ATAD1: variants seen among roughly 807,000 people sequenced by gnomAD.
ATAD1 encodes the protein ATPase family AAA domain containing 1, also known as outer mitochondrial transmembrane helix translocase.
In ATAD1, 18 loss-of-function variants were observed where a neutral mutation model predicts 42.7. The ratio of observed to expected loss-of-function variants is 0.42; its 90% confidence interval spans 0.29 to 0.63. ATAD1 has a LOEUF of 0.63. Ranked by LOEUF, ATAD1 falls within the 20% of genes least tolerant of loss-of-function variation. The pLI is 0.19. For missense variants in ATAD1, 294 were observed against 440.4 expected (o/e 0.67, Z 2.98); for synonymous variants, 132 against 143.1 (o/e 0.92, Z 0.55).
At chr10:87,796,899 C>T (rs1244497658) in intron 2 of ATAD1, among the ~76,000 whole-genome samples, 1 of 152,184 alleles carries the variant, frequency 6.6e-6, no homozygotes, top group Non-Finnish European at 1.5e-5. Context: ...AATACAACTC[C>T]CTTTTTTTGG....
At position 87,754,760 on chromosome 10, in the gene ATAD1, C is replaced by T. The variant is rs747078035; in HGVS notation, c.1013G>A (p.Arg338Gln). 2.2e-5 allele frequency: 35 copies of T among 1,613,454 alleles called. No individual in the cohort carries two copies. The East Asian group carries it at 2.7e-4, about 12-fold the overall frequency. ...TGATTTCTTCATCTTTTCAATTGCC[C>T]GATGCAGGTCCTGCTGTTGAACAGG... The part of the protein sequence containing the change: ...IRPVQQQDLH[R>Q]AIEKMKKSKD... Residue 338 changes from arginine (R) to glutamine (Q), a missense_variant, in exon 10 of 10, where the codon CGG becomes CAG. Around this residue, in one of 3 missense-constraint regions of ATAD1, gnomAD observed 142 missense variants for 174.6 expected, o/e 0.81. Coordinates refer to ENST00000680024, the MANE Select transcript of ATAD1 (RefSeq NM_001321967.2).
chr10:87,762,906 T>TA (rs111774830), intron 8 of ATAD1, among the ~76,000 whole-genome samples: 57 of 106,032 alleles, frequency 5.4e-4, no homozygotes, highest in Admixed American at 1.7e-3. Flanking sequence ...CCGTCTCTAC[T>TA]AAAAAAAAAA....
At chr10:87,766,271 T>G (rs571473312) in intron 8 of ATAD1, among the ~76,000 whole-genome samples, 9 of 152,312 alleles carry the variant, frequency 5.9e-5, no homozygotes, top group Admixed American at 3.9e-4. Flanking sequence ...AATATTCCTG[T>G]ATAAGTATGA....
intron 1 of ATAD1, among the ~76,000 whole-genome samples, chr10:87,815,660 G>C (rs1420221772): frequency 6.6e-6 from 1 of 151,816 alleles, no homozygotes; most frequent in Non-Finnish European, 1.5e-5. Context: ...CTAAATTAAA[G>C]AGCCTCTTCA....
At chr10:87,833,370 T>A (rs962778797) in intron 1 of ATAD1, among the ~76,000 whole-genome samples, 8 of 152,232 alleles carry the variant, frequency 5.3e-5, no homozygotes, top group Non-Finnish European at 8.8e-5. Flanking sequence ...AGGTTTTTTT[T>A]AAATCACTTA....
At chr10:87,764,819 A>G (rs896049768) in intron 8 of ATAD1, among the ~76,000 whole-genome samples, 16 of 152,178 alleles carry the variant, frequency 1.1e-4, no homozygotes, top group Non-Finnish European at 1.9e-4. Context: ...AATAATTTTA[A>G]AAGGTTGGGT....
At chr10:87,816,531 CTTCA>C (rs1857421320) in intron 1 of ATAD1, among the ~76,000 whole-genome samples, 2 of 152,254 alleles carry the variant, frequency 1.3e-5, no homozygotes, top group East Asian at 3.9e-4. Flanking sequence ...GATATCACCA[CTTCA>C]TTCAAAGAAC....
chr10:87,816,508 CAAT>C, intron 1 of ATAD1, among the ~76,000 whole-genome samples: 1 of 152,008 alleles, frequency 6.6e-6, no homozygotes, highest in Non-Finnish European at 1.5e-5. Flanking sequence ...ATTGGATATA[CAAT>C]AATTGTTAAG....
intron 6 of ATAD1, 32 bp from the exon 7 acceptor site, chr10:87,771,073 A>G: frequency 6.5e-7 from 1 of 1,538,600 alleles, no homozygotes; most frequent in Non-Finnish European, 9.0e-7. Flanking sequence ...AAGGTATTAA[A>G]TCTACCAATT....
At chr10:87,775,807 T>C (rs998776764) in intron 6 of ATAD1, among the ~76,000 whole-genome samples, 3 of 152,146 alleles carry the variant, frequency 2.0e-5, no homozygotes, top group African/African-American at 7.2e-5. Flanking sequence ...CTGTCTCGTA[T>C]AAAATTGGGA....
In ATAD1 at chr10:87,807,961, T is replaced by A. The variant is rs1422209397; in HGVS notation, c.162+6477A>T. Among the ~76,000 whole-genome samples the A allele has an allele frequency of 1.3e-5, 2 of 152,212 alleles. 1 individual carries two copies. Among genetic ancestry groups the A allele is most frequent in the Non-Finnish European group, 2.9e-5 (2 of 68,018 alleles). On this transcript the variant is annotated intron_variant, in intron 2 of 9. Transcript: ENST00000680024. ...ACTGATGTTGAATTTAACTAAACTT[T>A]CAATAGTTTTATAATTTTCTCTATG...
intron 2 of ATAD1, among the ~76,000 whole-genome samples, chr10:87,802,591 C>A (rs1029836017): frequency 5.3e-5 from 8 of 151,132 alleles, no homozygotes; most frequent in African/African-American, 1.7e-4. Flanking sequence ...AGATCACCCC[C>A]GAGATCCCGC....
intron 8 of ATAD1, among the ~76,000 whole-genome samples, chr10:87,762,468 CT>C (rs796462922): frequency 6.6e-4 from 96 of 144,642 alleles, no homozygotes; most frequent in Admixed American, 7.6e-4. Context: ...TACAACTACA[CT>C]TTTTTTTTTT....
At chr10:87,827,969 G>A (rs1413954950) in intron 1 of ATAD1, among the ~76,000 whole-genome samples, 1 of 152,020 alleles carries the variant, frequency 6.6e-6, no homozygotes, top group East Asian at 1.9e-4. Context: ...TCGTTTATTG[G>A]TTTTAAGAGA....
At chr10:87,829,666 A>G (rs1015354607) in intron 1 of ATAD1, among the ~76,000 whole-genome samples, 2 of 152,218 alleles carry the variant, frequency 1.3e-5, no homozygotes, top group African/African-American at 2.4e-5. Flanking sequence ...CATGATTTCT[A>G]GGAGTTCAAG....
At chr10:87,817,851 C>A (rs1857494062) in intron 1 of ATAD1, 3 of 985,516 alleles carry the variant, frequency 3.0e-6, no homozygotes, top group Non-Finnish European at 3.6e-6. Flanking sequence ...TCTTCCGGGA[C>A]GACCTCAAAC....
chr10:87,802,935 T>C (rs1488851572), intron 2 of ATAD1, among the ~76,000 whole-genome samples: 4 of 152,192 alleles, frequency 2.6e-5, no homozygotes, highest in African/African-American at 4.8e-5. Context: ...CCTTCTTTTT[T>C]CCCCCATTTT....
At chr10:87,785,719 T>C (rs1855794788) in intron 4 of ATAD1, among the ~76,000 whole-genome samples, 1 of 150,948 alleles carries the variant, frequency 6.6e-6, no homozygotes, top group African/African-American at 2.4e-5. Context: ...TTCCCAAAAA[T>C]ATCTCAATTT....
Position 87,833,305 on chromosome 10 carries a change from A to T in ATAD1, c.-14+7882T>A, listed in dbSNP as rs182248504. Among the ~76,000 whole-genome samples the T allele has an allele frequency of 1.1e-4, 17 of 152,292 alleles. 1 individual carries two copies. The East Asian group carries it at 3.1e-3, about 28-fold the overall frequency. On this transcript the variant is annotated intron_variant, in intron 1 of 4. Transcript: ENST00000495903. ...TTCATTGCTGGTATATGGATGTAAAATTTTGAATGTGTGTTTACCTTTTGT... is the reference window on the plus strand; with the variant it reads ...TTCATTGCTGGTATATGGATGTAAATTTTTGAATGTGTGTTTACCTTTTGT...
Sources: allele counts gnomAD v4.1 joint callset (sites outside exome capture counted in the v4.1 genomes callset), GRCh38; gene constraint gnomAD v4.1.1; regional missense constraint gnomAD v4.1.1; transcripts MANE v1.5; gene names NCBI Gene and HGNC (gene_info 2026-07-23, HGNC 2026-07-21).